The following INPP5B variants were observed in gnomAD, a reference collection of about 807,000 sequenced individuals.
INPP5B encodes inositol polyphosphate-5-phosphatase B.
Under a neutral mutation model 118.5 loss-of-function variants are expected in INPP5B, and 90 were observed. That is an observed-to-expected ratio of 0.76 (90% CI 0.64 to 0.90). INPP5B has a LOEUF of 0.90. INPP5B is among the 40% of genes least tolerant of loss of function. The pLI, the probability that INPP5B is intolerant of heterozygous loss-of-function variation, is 0.00. For missense variants in INPP5B, 984 were observed against 1,125.6 expected (o/e 0.87, Z 1.80); for synonymous variants, 385 against 418.9 (o/e 0.92, Z 0.99).
intron 20 of INPP5B, among the ~76,000 whole-genome samples, chr1:37,868,287 T>C (rs1332667184): frequency 1.5e-5 from 2 of 130,824 alleles, no homozygotes; most frequent in Admixed American, 9.0e-5. Flanking sequence ...CACTCCAGCC[T>C]GGGCAACAGA....
At chr1:37,871,202 A>G (rs1452268671) in intron 19 of INPP5B, among the ~76,000 whole-genome samples, 3 of 147,642 alleles carry the variant, frequency 2.0e-5, no homozygotes, top group Middle Eastern at 3.8e-3. Context: ...TCATGCTTGT[A>G]ATCCCAACAC....
intron 6 of INPP5B, among the ~76,000 whole-genome samples, chr1:37,939,450 T>TG (rs1275596491): frequency 1.0e-5 from 1 of 98,348 alleles, no homozygotes; most frequent in Non-Finnish European, 2.9e-5. Flanking sequence ...TTTTTGTTTT[T>TG]GTTTTTTTTT....
intron 5 of INPP5B, chr1:37,941,958 A>AAAATATATATAT (rs1427344681): frequency 3.3e-5 from 1 of 30,380 alleles, no homozygotes; most frequent in South Asian, 8.5e-4. Context: ...AAAAAAAAAA[A>AAAATATATATAT]ATATATATAT....
chr1:37,877,234 T>A (rs1274626265), intron 16 of INPP5B, among the ~76,000 whole-genome samples: 9 of 147,936 alleles, frequency 6.1e-5, no homozygotes. Context: ...CCCAGCTACT[T>A]GGGAGGCTGA....
rs1557715188 is a variant in INPP5B, at chr1:37,931,555, C to G, written c.532+358G>C. On this transcript the variant is annotated intron_variant, in intron 7 of 23. Transcript: ENST00000373024. ...CCCAGCCTCCAGAGGGCCACCAGGA[C>G]TTTGGTCTTCGCCCCGAGCGTCCAC... 2.6e-6 allele frequency: 4 copies of G among 1,537,542 alleles called. No individual in the cohort carries two copies. The South Asian group carries it at 4.8e-5, about 18-fold the overall frequency.
At chr1:37,924,310 A>G (rs976615223) in intron 7 of INPP5B, among the ~76,000 whole-genome samples, 1 of 151,764 alleles carries the variant, frequency 6.6e-6, no homozygotes, top group Non-Finnish European at 1.5e-5. Context: ...CTGGGACTAC[A>G]GGCATGTGCC....
intron 6 of INPP5B, among the ~76,000 whole-genome samples, chr1:37,939,457 T>G (rs185687355): frequency 4.1e-4 from 62 of 150,688 alleles, no homozygotes; most frequent in African/African-American, 9.9e-4. Context: ...TTTTGTTTTT[T>G]TTTTTTGAGA....
chr1:37,903,389 G>C (rs114331819), intron 7 of INPP5B, among the ~76,000 whole-genome samples: 1,953 of 152,274 alleles, frequency 0.013, 29 homozygotes, highest in African/African-American at 0.044. Context: ...AAAATGGGGA[G>C]GCTTGAATAA....
intron 3 of INPP5B, among the ~76,000 whole-genome samples, chr1:37,944,845 C>G (rs1315593223): frequency 6.6e-6 from 1 of 151,806 alleles, no homozygotes; most frequent in Non-Finnish European, 1.5e-5. Context: ...TCTCGAACTC[C>G]TAGGCTCAAG....
intron 7 of INPP5B, among the ~76,000 whole-genome samples, chr1:37,926,299 CT>C (rs34515092): frequency 6.0e-5 from 9 of 149,546 alleles, no homozygotes; most frequent in African/African-American, 1.2e-4. Context: ...TGGTTCATTT[CT>C]TTTTTTTTTT....
intron 16 of INPP5B, among the ~76,000 whole-genome samples, chr1:37,877,163 G>A (rs951870791): frequency 2.6e-5 from 4 of 151,554 alleles, no homozygotes; most frequent in African/African-American, 9.7e-5. Flanking sequence ...GCAGGAGATC[G>A]AACCCCATCT....
Position 37,940,663 on chromosome 1 carries a change from C to G in INPP5B, c.391+25G>C, listed in dbSNP as rs984315108. The G allele has an allele frequency of 6.8e-6, 10 of 1,468,190 alleles. 1 individual carries two copies. Among genetic ancestry groups the G allele is most frequent in the Non-Finnish European group, 9.5e-6 (10 of 1,047,430 alleles). The allele number at this position is 1,468,190 out of a possible 1,614,324, so 90.9% of individuals were successfully genotyped here. On this transcript the variant is annotated intron_variant, in intron 6 of 23. Coordinates refer to ENST00000373024, the MANE Select transcript of INPP5B (RefSeq NM_005540.3). ...TGAATACCCAGCAACCCACCCACCCCCAGGGAGCCTGGGGTCTTACCTACC... is the reference window on the plus strand; with the variant it reads ...TGAATACCCAGCAACCCACCCACCCGCAGGGAGCCTGGGGTCTTACCTACC...
intron 6 of INPP5B, among the ~76,000 whole-genome samples, chr1:37,932,284 G>C (rs189406043): frequency 3.2e-4 from 49 of 151,688 alleles, no homozygotes; most frequent in African/African-American, 1.2e-3. Context: ...TCTGTGCCTC[G>C]TATAAATATT....
At chr1:37,904,199 C>T (rs966005408) in intron 7 of INPP5B, among the ~76,000 whole-genome samples, 21 of 152,100 alleles carry the variant, frequency 1.4e-4, no homozygotes, top group African/African-American at 4.3e-4. Context: ...GTGATGCGTG[C>T]CTGTAGTCCC....
chr1:37,894,568 T>G (rs915150939), intron 7 of INPP5B, among the ~76,000 whole-genome samples: 1 of 123,712 alleles, frequency 8.1e-6, no homozygotes, highest in Non-Finnish European at 2.0e-5. Context: ...TTTCTTTTTT[T>G]TTTTTTTTTT....
intron 19 of INPP5B, among the ~76,000 whole-genome samples, chr1:37,870,993 A>AG (rs1388297516): frequency 2.2e-5 from 3 of 138,664 alleles, no homozygotes; most frequent in African/African-American, 5.4e-5. Flanking sequence ...CGTCTCTACT[A>AG]AAAATATAAA....
chr1:37,909,105 A>G (rs1395481923), intron 7 of INPP5B, among the ~76,000 whole-genome samples: 1 of 152,140 alleles, frequency 6.6e-6, no homozygotes, highest in African/African-American at 2.4e-5. Flanking sequence ...CAAGATCTAG[A>G]TAATTCTTGT....
At position 37,943,795 on chromosome 1, in the gene INPP5B, C is replaced by T; in HGVS notation, c.250+1G>A. On this transcript the variant is annotated splice_donor_variant, in intron 4 of 23. Transcript: ENST00000373024. LOFTEE classifies it high-confidence loss of function. ...TCATACCACCCAGCCCCCTGTGGCA[C>T]CTTCTTCCAGCGTAAAATCCCGCGA... 6.2e-7 allele frequency: 1 copy of T among 1,613,986 alleles called. No homozygotes were observed. Among genetic ancestry groups the T allele is most frequent in the Non-Finnish European group, 8.5e-7 (1 of 1,179,862 alleles).
chr1:37,876,703 CAAAAAAAAAAAA>C (rs754849945), intron 16 of INPP5B, among the ~76,000 whole-genome samples: 1 of 80,812 alleles, frequency 1.2e-5, no homozygotes, highest in Non-Finnish European at 2.2e-5. Context: ...ACTAAAAATA[CAAAAAAAAAAAA>C]AAAAAAAACC....
Sources: gnomAD v4.1 joint callset for allele counts (sites outside exome capture counted in the v4.1 genomes callset) on GRCh38, gnomAD v4.1.1 for gene constraint, MANE v1.5 for transcripts, NCBI Gene and HGNC (gene_info 2026-07-23, HGNC 2026-07-21) for gene names.